The following USP12 variants were observed in gnomAD, a reference collection of about 807,000 sequenced individuals.
USP12 encodes ubiquitin specific peptidase 12, also known as ubiquitin carboxyl-terminal hydrolase 12.
Under a neutral mutation model 45.5 loss-of-function variants are expected in USP12, and 19 were observed. The ratio of observed to expected loss-of-function variants is 0.42; its 90% CI spans 0.29 to 0.61. USP12 has a LOEUF of 0.61. Among genes scored for constraint, USP12 ranks in the 20% least tolerant of loss-of-function variants. USP12 has a pLI of 0.22. For synonymous variants in USP12, 149 were observed against 148.8 expected, an observed-to-expected ratio of 1.00 and a Z score of -0.01; for missense variants, 242 against 447.7, an observed-to-expected ratio of 0.54 and a Z score of 4.15.
chr13:27,114,304 T>C (rs1283672854), intron 2 of USP12, among the ~76,000 whole-genome samples: 2 of 152,230 alleles, frequency 1.3e-5, no homozygotes, highest in Admixed American at 1.3e-4. Flanking sequence ...CTATCAGCTC[T>C]ACTAAAATAA....
At chr13:27,144,863 C>T (rs1877241441) in intron 1 of USP12, among the ~76,000 whole-genome samples, 1 of 150,712 alleles carries the variant, frequency 6.6e-6, no homozygotes, top group South Asian at 2.1e-4. Flanking sequence ...AGTTCGAGAC[C>T]AGCCCGGGTA....
At chr13:27,155,248 A>T (rs1381485696) in intron 1 of USP12, among the ~76,000 whole-genome samples, 1 of 151,356 alleles carries the variant, frequency 6.6e-6, no homozygotes, top group South Asian at 2.1e-4. Context: ...TGCCCGGCTA[A>T]TTTTTTGTAT....
intron 6 of USP12, among the ~76,000 whole-genome samples, chr13:27,082,708 T>A (rs1167548318): frequency 6.6e-6 from 1 of 152,164 alleles, no homozygotes; most frequent in Non-Finnish European, 1.5e-5. Flanking sequence ...TTAGAAGCCA[T>A]TGTAAGGTTA....
chr13:27,150,495 C>T (rs1207962974), intron 1 of USP12, among the ~76,000 whole-genome samples: 1 of 152,170 alleles, frequency 6.6e-6, no homozygotes, highest in African/African-American at 2.4e-5. Context: ...AAGACTTTAA[C>T]ACTTAAAATG....
At chr13:27,153,065 C>T (rs192436488) in intron 1 of USP12, among the ~76,000 whole-genome samples, 1 of 152,246 alleles carries the variant, frequency 6.6e-6, no homozygotes, top group African/African-American at 2.4e-5. Flanking sequence ...GGCATGGTGG[C>T]TCACACCTGT....
At position 27,066,891 on chromosome 13, in the gene USP12, C is replaced by T. The variant is rs558741932; in HGVS notation, c.*2392G>A. ...CTATACCTGTATTTTTCCCCCAACC[C>T]TGACCCTATACGTTTTAAAAGTACA... is the stretch of plus-strand genomic sequence containing the variant. On this transcript the variant is annotated 3_prime_UTR_variant, in exon 9 of 9. Coordinates refer to ENST00000282344, the MANE Select transcript of USP12 (RefSeq NM_182488.4). 1.3e-5 allele frequency: 2 copies of T among 152,186 alleles called. No homozygotes were observed. Among genetic ancestry groups the T allele is most frequent in the Admixed American group, 1.3e-4 (2 of 15,272 alleles). 9.4% of individuals were successfully genotyped at this position (152,186 alleles called of 1,614,324 possible).
intron 2 of USP12, among the ~76,000 whole-genome samples, chr13:27,110,885 T>A (rs1875407942): frequency 6.6e-6 from 1 of 152,104 alleles, no homozygotes; most frequent in South Asian, 2.1e-4. Context: ...ATTGAACAAC[T>A]TCCACCGAGC....
chr13:27,084,666 T>C (rs1010589385), intron 6 of USP12, among the ~76,000 whole-genome samples: 2 of 152,220 alleles, frequency 1.3e-5, no homozygotes, highest in African/African-American at 4.8e-5. Context: ...CCACTATGTA[T>C]TCATTCTTAG....
rs896127407 is a variant in USP12 at position 27,149,067 on chromosome 13, C to G, written c.48+22525G>C. 3.3e-5 allele frequency among the ~76,000 whole-genome samples: 5 copies of G among 152,128 alleles called. No individual in the cohort carries two copies. The Middle Eastern group carries it at 0.01, about 310-fold the overall frequency. ...GGCGTGGTGGCACACGCCTGTAGTC[C>G]CACCTACTCAGGGGACTGAAATGGA... On this transcript the variant is annotated intron_variant, in intron 1 of 8. Transcript: ENST00000282344.
chr13:27,105,535 G>A (rs949032964), intron 3 of USP12, among the ~76,000 whole-genome samples, 196 bp downstream of exon 3: 2 of 152,106 alleles, frequency 1.3e-5, no homozygotes, highest in Admixed American at 6.5e-5. Context: ...AACATTAACC[G>A]TATCTTGTAT....
intron 2 of USP12, among the ~76,000 whole-genome samples, chr13:27,109,911 C>CAAAAAAAAA (rs1491444000): frequency 7.5e-5 from 1 of 13,344 alleles, no homozygotes; most frequent in Admixed American, 7.7e-4. Context: ...GACTCTGTCT[C>CAAAAAAAAA]CAAAAAAAAA....
intron 1 of USP12, among the ~76,000 whole-genome samples, chr13:27,143,574 T>C (rs931110999): frequency 6.6e-6 from 1 of 152,172 alleles, no homozygotes; most frequent in Non-Finnish European, 1.5e-5. Flanking sequence ...GCCAAATCCC[T>C]CAGATTACAT....
chr13:27,077,651 A>G (rs988510036), intron 6 of USP12: 1 of 152,194 alleles, frequency 6.6e-6, no homozygotes, highest in Non-Finnish European at 1.5e-5. Context: ...AGATGATGAG[A>G]GACTAGCTTA....
intron 6 of USP12, among the ~76,000 whole-genome samples, chr13:27,076,413 T>A (rs1205119059): frequency 2.0e-5 from 3 of 152,184 alleles, no homozygotes; most frequent in East Asian, 1.9e-4. Flanking sequence ...TCTATTCTTC[T>A]TTTAATGGCT....
intron 6 of USP12, among the ~76,000 whole-genome samples, chr13:27,080,477 C>G (rs977426417): frequency 1.3e-5 from 2 of 152,166 alleles, no homozygotes; most frequent in Non-Finnish European, 1.5e-5. Flanking sequence ...CAATGTGATG[C>G]TGAGTCACCT....
chr13:27,086,183 A>ATATATATAT lies in USP12; in HGVS notation c.734+3699_734+3700insATATATATA, dbSNP rs1555233200. Reference sequence around the variant, plus strand: ...AGATCTTTTGTCTCTTTAAAAAAAAAAAAAAAAAAAAAAAATATATATATA... The same window carrying ATATATATAT: ...AGATCTTTTGTCTCTTTAAAAAAAAATATATATATAAAAAAAAAAAAAAATATATATATA... On this transcript the variant is annotated intron_variant, in intron 6 of 8. Coordinates refer to ENST00000282344, the MANE Select transcript of USP12 (RefSeq NM_182488.4). 2.1e-3 allele frequency among the ~76,000 whole-genome samples: 81 copies of ATATATATAT among 39,276 alleles called. 3 individuals are homozygous for ATATATATAT. The highest frequency in any genetic ancestry group is 3.4e-3 in the Non-Finnish European group (66 of 19,146). The allele number at this position is 39,276 out of a possible 152,430, so 25.8% of individuals were successfully genotyped here.
chr13:27,167,817 A>G (rs978388077), intron 1 of USP12, among the ~76,000 whole-genome samples: 1 of 152,122 alleles, frequency 6.6e-6, no homozygotes, highest in Non-Finnish European at 1.5e-5. Context: ...CCAACAACGC[A>G]TGGGCTCTGA....
chr13:27,145,754 C>A (rs1175662964), intron 1 of USP12, among the ~76,000 whole-genome samples: 2 of 151,686 alleles, frequency 1.3e-5, no homozygotes, highest in Admixed American at 1.3e-4. Flanking sequence ...TAACTCTATA[C>A]CACAAAATTT....
intron 6 of USP12, 32 bp downstream of exon 6, chr13:27,089,851 T>C: frequency 6.3e-7 from 1 of 1,593,190 alleles, no homozygotes; most frequent in South Asian, 1.1e-5. Flanking sequence ...AAAAATAAAA[T>C]CACTTAAAAA....
Sources: gnomAD v4.1 joint callset for allele counts (sites outside exome capture counted in the v4.1 genomes callset) on GRCh38, gnomAD v4.1.1 for gene constraint, MANE v1.5 for transcripts, NCBI Gene and HGNC (gene_info 2026-07-23, HGNC 2026-07-21) for gene names.